The following QTMAN variants were observed in gnomAD, a reference collection of about 807,000 sequenced individuals.
QTMAN encodes the protein queuosine-tRNA mannosyltransferase, also known as tRNA-queuosine alpha-mannosyltransferase.
the QTMAN span, among the ~76,000 whole-genome samples, chr2:144,169,426 A>G: frequency 6.6e-6 from 1 of 152,104 alleles, no homozygotes; most frequent in Non-Finnish European, 1.5e-5. Flanking sequence ...ATTAAAAAAT[A>G]TTTTTTTGCT....
the QTMAN span, among the ~76,000 whole-genome samples, chr2:144,315,827 C>T: frequency 6.6e-6 from 1 of 152,122 alleles, no homozygotes; most frequent in East Asian, 1.9e-4. Context: ...TTTACCTGTC[C>T]TGTCTTCATT....
chr2:144,206,615 C>A, the QTMAN span, among the ~76,000 whole-genome samples: 1 of 152,104 alleles, frequency 6.6e-6, no homozygotes, highest in East Asian at 1.9e-4. Flanking sequence ...ATGACAGATA[C>A]CATTGTTAGG....
the QTMAN span, among the ~76,000 whole-genome samples, chr2:144,203,720 C>A: frequency 6.6e-6 from 1 of 152,002 alleles, no homozygotes; most frequent in Non-Finnish European, 1.5e-5. Context: ...GGGAGAAGTA[C>A]CATACCTACT....
At chr2:144,184,965 T>C in the QTMAN span, among the ~76,000 whole-genome samples, 37 of 152,240 alleles carry the variant, frequency 2.4e-4, no homozygotes, top group African/African-American at 8.9e-4. Context: ...CTCTGAAACT[T>C]AGCTTTTTCA....
chr2:144,260,662 C>G, the QTMAN span, among the ~76,000 whole-genome samples: 1 of 151,724 alleles, frequency 6.6e-6, no homozygotes, highest in Non-Finnish European at 1.5e-5. Flanking sequence ...CTGTATTAAA[C>G]TTAGGTGAGT....
the QTMAN span, among the ~76,000 whole-genome samples, chr2:144,135,333 AAGACATG>A: frequency 2.6e-5 from 4 of 152,110 alleles, no homozygotes; most frequent in African/African-American, 9.7e-5. Flanking sequence ...ACTGCCCTAT[AAGACATG>A]TTTCATGCTA....
the QTMAN span, among the ~76,000 whole-genome samples, chr2:144,182,788 T>TATATATATATTATATATATA: frequency 4.6e-5 from 2 of 43,666 alleles, no homozygotes; most frequent in African/African-American, 1.4e-4. Context: ...AGGTACATTA[T>TATATATATATTATATATATA]ATATATATAT....
chr2:144,294,943 G>A, the QTMAN span, among the ~76,000 whole-genome samples: 1 of 152,066 alleles, frequency 6.6e-6, no homozygotes, highest in African/African-American at 2.4e-5. Flanking sequence ...GACCAAATGG[G>A]AAAAATGAAC....
At chr2:143,978,143 T>C in the QTMAN span, among the ~76,000 whole-genome samples, 2 of 152,240 alleles carry the variant, frequency 1.3e-5, no homozygotes, top group African/African-American at 4.8e-5. Context: ...TTTTCTTGGA[T>C]GAAAGTGCTC....
the QTMAN span, among the ~76,000 whole-genome samples, chr2:143,982,100 C>T: frequency 4.6e-5 from 7 of 152,260 alleles, no homozygotes; most frequent in South Asian, 8.3e-4. Context: ...AATAACATCA[C>T]GTGCTATAAA....
At chr2:144,178,796 CTAGAAA>C in the QTMAN span, 2 of 350,270 alleles carry the variant, frequency 5.7e-6, no homozygotes. Flanking sequence ...GGGTTGGATA[CTAGAAA>C]TAATCAACTG....
At chr2:144,069,671 TAAG>T in the QTMAN span, among the ~76,000 whole-genome samples, 2 of 152,080 alleles carry the variant, frequency 1.3e-5, no homozygotes, top group East Asian at 3.8e-4. Context: ...GAAATGATTA[TAAG>T]AAGATATTTG....
At chr2:144,133,222 AATATATATTTAT>A in the QTMAN span, among the ~76,000 whole-genome samples, 8 of 74,616 alleles carry the variant, frequency 1.1e-4, no homozygotes, top group African/African-American at 4.8e-4. Context: ...TACATATATA[AATATATATTTAT>A]ATTTATATAT....
the QTMAN span, among the ~76,000 whole-genome samples, chr2:144,240,279 C>T: frequency 6.6e-6 from 1 of 152,286 alleles, no homozygotes; most frequent in East Asian, 1.9e-4. Flanking sequence ...TTTATAATTT[C>T]ATTGCTTAAA....
chr2:144,189,404 A>G, the QTMAN span, among the ~76,000 whole-genome samples: 3 of 152,322 alleles, frequency 2.0e-5, no homozygotes, highest in South Asian at 6.2e-4. Context: ...CATTCACTCA[A>G]TACAGTGCAA....
the QTMAN span, among the ~76,000 whole-genome samples, chr2:144,152,984 G>C: frequency 7.2e-5 from 11 of 152,192 alleles, no homozygotes; most frequent in Non-Finnish European, 1.5e-4. Flanking sequence ...TAAGAGCAGT[G>C]AAAAACCAGG....
At chr2:144,297,752 T>C in the QTMAN span, among the ~76,000 whole-genome samples, 46 of 151,468 alleles carry the variant, frequency 3.0e-4, no homozygotes, top group African/African-American at 1.1e-3. Flanking sequence ...GGCTAATTTT[T>C]TGTATTTTTA....
the QTMAN span, among the ~76,000 whole-genome samples, chr2:144,328,527 A>G: frequency 6.6e-6 from 1 of 152,190 alleles, no homozygotes; most frequent in Non-Finnish European, 1.5e-5. Flanking sequence ...GAGACAGCAT[A>G]CCTTTGTGAG....
chr2:143,973,322 A>T, the QTMAN span, among the ~76,000 whole-genome samples: 2 of 152,200 alleles, frequency 1.3e-5, no homozygotes, highest in African/African-American at 2.4e-5. Flanking sequence ...GAAATTTAAG[A>T]GTGGGAAAAG....
Sources: allele counts gnomAD v4.1 joint callset (sites outside exome capture counted in the v4.1 genomes callset), GRCh38; gene constraint gnomAD v4.1.1; transcripts MANE v1.5; gene names NCBI Gene and HGNC (gene_info 2026-07-23, HGNC 2026-07-21).